ICE1: variants seen among roughly 807,000 people sequenced by gnomAD.
The protein encoded by ICE1 is interactor of little elongation complex ELL subunit 1, also known as little elongation complex subunit 1.
A neutral mutation model predicts 192.7 loss-of-function variants in ICE1; 64 were observed. That is an observed-to-expected ratio of 0.33 (90% CI 0.27 to 0.41). ICE1 has a LOEUF of 0.41. Ranked by LOEUF, ICE1 falls within the 10% of genes least tolerant of loss-of-function variation. ICE1 has a pLI of 1.00. For synonymous variants in ICE1, 1,010 were observed against 984.5 expected (o/e 1.03, Z -0.49); for missense variants, 2,708 against 2,696.0 (o/e 1.00, Z -0.10).
intron 1 of ICE1, among the ~76,000 whole-genome samples, chr5:5,425,518 G>C (rs1737494822): frequency 6.6e-6 from 1 of 152,206 alleles, no homozygotes; most frequent in Non-Finnish European, 1.5e-5. Flanking sequence ...TATTGCATTT[G>C]GATTTTCTGT....
At chr5:5,485,946 C>T (rs1253729008) in intron 17 of ICE1, among the ~76,000 whole-genome samples, 1 of 152,170 alleles carries the variant, frequency 6.6e-6, no homozygotes, top group Admixed American at 6.5e-5. Context: ...CTGCGTTGTT[C>T]CAGTTAGCCA....
chr5:5,482,151 G>C (rs1423857993), intron 17 of ICE1, among the ~76,000 whole-genome samples: 2 of 152,130 alleles, frequency 1.3e-5, no homozygotes, highest in Non-Finnish European at 2.9e-5. Context: ...TGTAATTGTA[G>C]GGATAAAATA....
Position 5,473,734 on chromosome 5 carries a change from T to C in ICE1, c.6399T>C (p.His2133=), listed in dbSNP as rs766115440. The C allele has an allele frequency of 1.3e-6, 2 of 1,597,090 alleles. No individual in the cohort carries two copies. The highest frequency in any genetic ancestry group is 2.2e-5 in the East Asian group (1 of 44,642). ...LCCHQKWIWT[H]DNIISKELWP... is the part of the protein sequence containing the mutation. ...GCCATCAGAAATGGATCTGGACGCA[T>C]GATAACATCATAAGGTTAGTTATTT... is the stretch of plus-strand genomic sequence containing the variant. Residue 2133 remains histidine, a synonymous_variant, in exon 16 of 19, where the codon CAT becomes CAC. Transcript: ENST00000296564.
intron 17 of ICE1, among the ~76,000 whole-genome samples, chr5:5,479,986 C>T (rs1306991332): frequency 6.6e-6 from 1 of 152,064 alleles, no homozygotes; most frequent in Non-Finnish European, 1.5e-5. Context: ...ACCTGTGGGA[C>T]TTAAAACCTA....
intron 18 of ICE1, among the ~76,000 whole-genome samples, chr5:5,488,647 A>G (rs1194885036): frequency 2.7e-5 from 2 of 75,000 alleles, no homozygotes; most frequent in Non-Finnish European, 5.5e-5. Context: ...CCAGAATCAT[A>G]CACTGTAGTT....
intron 17 of ICE1, among the ~76,000 whole-genome samples, chr5:5,479,344 C>T (rs555000582): frequency 6.6e-6 from 1 of 152,294 alleles, no homozygotes; most frequent in Admixed American, 6.5e-5. Context: ...TGAAAAAAAG[C>T]TCATCATTCA....
rs529478735 is a variant in ICE1 at position 5,463,542 on chromosome 5, C to T, written c.4208C>T (p.Ser1403Leu). 6.2e-7 allele frequency: 1 copy of T among 1,613,848 alleles called. No homozygotes were observed. The highest frequency in any genetic ancestry group is 1.1e-5 in the South Asian group (1 of 91,052). The change falls in exon 13 of 19, where the codon TCA (serine) becomes TTA (leucine). Residue 1403 changes from serine to leucine, a missense_variant. Ser to Leu is a moderately radical substitution (Grantham distance 145, BLOSUM62 -2). This residue lies in a region of ICE1 where 2,366 missense variants were observed against 2,276.6 expected (regional missense o/e 1.04). Transcript: ENST00000296564. ...TFQCQIATVTSEVINVLINKD... is the reference protein window; with the variant it reads ...TFQCQIATVTLEVINVLINKD... ...CAGTGTCAGATAGCAACAGTGACCT[C>T]AGAAGTTATAAACGTACTTATAAAT...
intron 14 of ICE1, among the ~76,000 whole-genome samples, chr5:5,467,643 AATTT>A (rs1739026447): frequency 1.3e-5 from 2 of 152,180 alleles, no homozygotes; most frequent in Non-Finnish European, 2.9e-5. Flanking sequence ...GTAAGGAGAG[AATTT>A]ATTTGTCTTG....
At chr5:5,468,354 T>G (rs1249743883) in intron 14 of ICE1, among the ~76,000 whole-genome samples, 3 of 152,228 alleles carry the variant, frequency 2.0e-5, no homozygotes, top group Non-Finnish European at 4.4e-5. Context: ...CCAAATTCAT[T>G]GAACTTTATA....
intron 11 of ICE1, among the ~76,000 whole-genome samples, chr5:5,456,889 G>GGGTGTACAATGGGTGTACAA (rs1274440761): frequency 2.0e-5 from 3 of 152,118 alleles, no homozygotes; most frequent in Non-Finnish European, 4.4e-5. Context: ...GTACAGATTT[G>GGGTGTACAATGGGTGTACAA]GCCGTGGGTA....
chr5:5,423,108 T>G (rs1165792702), intron 1 of ICE1, 109 bp downstream of exon 1: 12 of 559,330 alleles, frequency 2.1e-5, no homozygotes, highest in Non-Finnish European at 3.0e-5. Flanking sequence ...TGCGCTGCTC[T>G]CCCTTCCCAA....
rs146054703 is a variant in ICE1 at position 5,454,053 on chromosome 5, T to A, written c.605-499T>A. Reference sequence around the variant, plus strand: ...GATGGATTACCTGTAATCCCTGAACTCCCCAGGTTAATTACAGCATGGTTA... The same window carrying A: ...GATGGATTACCTGTAATCCCTGAACACCCCAGGTTAATTACAGCATGGTTA... On this transcript the variant is annotated intron_variant, in intron 10 of 18. Transcript: ENST00000296564. Among the ~76,000 whole-genome samples the A allele has an allele frequency of 4.5e-4, 69 of 152,278 alleles. 1 individual carries two copies. The East Asian group carries it at 0.012, about 26-fold the overall frequency.
intron 3 of ICE1, chr5:5,437,805 C>T (rs1737916532): frequency 6.6e-6 from 1 of 152,208 alleles, no homozygotes; most frequent in South Asian, 2.1e-4. Context: ...CTTAAAGTTT[C>T]TCTCATAAAA....
Position 5,475,791 on chromosome 5 carries a change from G to A in ICE1, c.6414-182G>A, listed in dbSNP as rs899984247. Reference sequence around the variant, plus strand: ...TGAATTTGCAGCCACGTTTAAGCTAGCATGGGCACAACTATGCTGTTGGAG... The same window carrying A: ...TGAATTTGCAGCCACGTTTAAGCTAACATGGGCACAACTATGCTGTTGGAG... On this transcript the variant is annotated intron_variant, in intron 16 of 18. Transcript: ENST00000296564. Among the ~76,000 whole-genome samples the A allele has an allele frequency of 2.0e-5, 3 of 152,214 alleles. No homozygotes were observed. The East Asian group carries it at 5.8e-4, about 29-fold the overall frequency.
chr5:5,486,477 GTTAAC>G (rs559792382), intron 17 of ICE1, among the ~76,000 whole-genome samples: 396 of 152,284 alleles, frequency 2.6e-3, no homozygotes, highest in African/African-American at 4.5e-3. Flanking sequence ...TCTTTGATCT[GTTAAC>G]TTAACAGAAG....
At chr5:5,447,300 A>G (rs972001498) in intron 7 of ICE1, 127 bp from the exon 8 acceptor site, 8 of 664,398 alleles carry the variant, frequency 1.2e-5, no homozygotes, top group Non-Finnish European at 2.0e-5. Context: ...GCTTTTTACG[A>G]AATTTATTTC....
At position 5,462,645 on chromosome 5, in the gene ICE1, G is replaced by GA; in HGVS notation, c.3312dup (p.Asp1105ArgfsTer4). The GA allele has an allele frequency of 1.2e-6, 2 of 1,613,968 alleles. No homozygotes were observed. Among genetic ancestry groups the GA allele is most frequent in the Non-Finnish European group, 1.7e-6 (2 of 1,179,884 alleles). ...TGTTACACAGGCATTCGAGAGGGGG[G>GA]AGACGACACTGAGGTAGAGAGTGAG... is the stretch of plus-strand genomic sequence containing the variant. On this transcript the variant is annotated frameshift_variant, in exon 13 of 19. Transcript: ENST00000296564. LOFTEE classifies it high-confidence loss of function.
At chr5:5,458,144 A>G (rs1488419119) in intron 12 of ICE1, among the ~76,000 whole-genome samples, 1 of 152,136 alleles carries the variant, frequency 6.6e-6, no homozygotes, top group Admixed American at 6.5e-5. Context: ...CGAGTTTTCT[A>G]CCTTTATTTG....
intron 10 of ICE1, among the ~76,000 whole-genome samples, chr5:5,453,103 C>CTT (rs200603477): frequency 6.6e-6 from 1 of 150,490 alleles, no homozygotes; most frequent in African/African-American, 2.4e-5. Flanking sequence ...AACTTTTTTT[C>CTT]TTTTTTTTTA....
Sources: gnomAD v4.1 joint callset for allele counts (sites outside exome capture counted in the v4.1 genomes callset) on GRCh38, gnomAD v4.1.1 for gene constraint, gnomAD v4.1.1 regional missense constraint, MANE v1.5 for transcripts, NCBI Gene and HGNC (gene_info 2026-07-23, HGNC 2026-07-21) for gene names.